The following FOXP1 variants were observed in gnomAD, a reference collection of about 807,000 sequenced individuals.
FOXP1 encodes forkhead box P1.
A neutral mutation model predicts 98.2 loss-of-function variants in FOXP1; 15 were observed. The ratio of observed to expected loss-of-function variants is 0.15; its 90% CI spans 0.10 to 0.24. FOXP1 has a LOEUF of 0.24. FOXP1 is among the 10% of genes least tolerant of loss of function. The pLI is 1.00. For missense variants in FOXP1, 633 were observed against 848.5 expected (o/e 0.75, Z 3.15); for synonymous variants, 371 against 314.5 (o/e 1.18, Z -1.90).
At chr3:71,480,118 C>G (rs567641308) in intron 3 of FOXP1, among the ~76,000 whole-genome samples, 1 of 152,260 alleles carries the variant, frequency 6.6e-6, no homozygotes, top group South Asian at 2.1e-4. Flanking sequence ...ATTGGTTGAC[C>G]CCGGGAGGCA....
rs142956636 is a variant in FOXP1 at position 70,956,732 on chromosome 3, GTTTTTTTTTTTTTTTTTTTTTT to G, written c.*2493_*2514del. ...GCACATCATGAAGCTGCCTGGAAAA[GTTTTTTTTTTTTTTTTTTTTTT>G]TTTTTTTTTTTTTTTTTTTAAAGTC... On this transcript the variant is annotated 3_prime_UTR_variant, in exon 21 of 21. Transcript: ENST00000649528. 49 of 32,810 alleles carry G rather than the reference GTTTTTTTTTTTTTTTTTTTTTT, an allele frequency of 1.5e-3. No individual in the cohort carries two copies. Among genetic ancestry groups the G allele is most frequent in the South Asian group, 4.1e-3 (3 of 732 alleles). The allele number at this position is 32,810 out of a possible 1,614,324, so 2.0% of individuals were successfully genotyped here.
chr3:71,437,723 T>G (rs2085498648), intron 3 of FOXP1, among the ~76,000 whole-genome samples: 1 of 152,168 alleles, frequency 6.6e-6, no homozygotes, highest in African/African-American at 2.4e-5. Context: ...TCTGTGATCA[T>G]CATAATGCCT....
intron 9 of FOXP1, among the ~76,000 whole-genome samples, chr3:71,049,133 A>G (rs2049466268): frequency 6.6e-6 from 1 of 152,184 alleles, no homozygotes; most frequent in Non-Finnish European, 1.5e-5. Flanking sequence ...TCCCCTCGGC[A>G]GGTCAGTAGT....
At position 71,496,961 on chromosome 3, in the gene FOXP1, A is replaced by T. The variant is rs79902199; in HGVS notation, c.-297-3406T>A. Among the ~76,000 whole-genome samples the T allele has an allele frequency of 6.0e-5, 9 of 149,462 alleles. No homozygotes were observed. In the South Asian group the frequency reaches 8.5e-4, roughly 14 times the overall value. On this transcript the variant is annotated intron_variant, in intron 2 of 20. Coordinates refer to ENST00000649528, the MANE Select transcript of FOXP1 (RefSeq NM_001349338.3). ...GTGAATCACCACTGTGGTGTGTGGA[A>T]GTGTGTGTGTGTGTGTGTGTGTGTT...
intron 3 of FOXP1, among the ~76,000 whole-genome samples, chr3:71,427,535 C>CTGAA (rs1560469917): frequency 6.6e-6 from 1 of 152,218 alleles, no homozygotes. Flanking sequence ...AAAGGAGCTA[C>CTGAA]TGAAGGTTCT....
intron 11 of FOXP1, among the ~76,000 whole-genome samples, chr3:71,038,769 T>A (rs2047948532): frequency 1.3e-5 from 2 of 151,752 alleles, no homozygotes; most frequent in Admixed American, 1.3e-4. Flanking sequence ...GCTCAAATGA[T>A]CCTCCCACCT....
intron 6 of FOXP1, among the ~76,000 whole-genome samples, chr3:71,170,845 G>A (rs1445682139): frequency 1.3e-5 from 2 of 152,138 alleles, no homozygotes. Flanking sequence ...CTTCCATGGG[G>A]CCGTCTCTTT....
chr3:71,079,932 T>C (rs1162951136), intron 7 of FOXP1, among the ~76,000 whole-genome samples: 1 of 152,254 alleles, frequency 6.6e-6, no homozygotes, highest in Admixed American at 6.5e-5. Flanking sequence ...CACTCAGAGT[T>C]AGGCACCTGT....
At chr3:71,080,555 C>T (rs1229965755) in intron 7 of FOXP1, among the ~76,000 whole-genome samples, 1 of 152,234 alleles carries the variant, frequency 6.6e-6, no homozygotes, top group Non-Finnish European at 1.5e-5. Flanking sequence ...ACAACACAAT[C>T]ATCAAATGTA....
Position 71,421,673 on chromosome 3 carries a change from GC to G in FOXP1, c.-167-62430del, listed in dbSNP as rs374540220. 4.8e-4 allele frequency among the ~76,000 whole-genome samples: 73 copies of G among 152,266 alleles called. No individual in the cohort carries two copies. The East Asian group carries it at 8.9e-3, about 19-fold the overall frequency. ...AATGGTTCACACTAGAAACAGAGGG[GC>G]CGCTGGTCTCAGGACCTCCTGACCA... On this transcript the variant is annotated intron_variant, in intron 3 of 20. Coordinates refer to ENST00000649528, the MANE Select transcript of FOXP1 (RefSeq NM_001349338.3).
At chr3:71,474,018 A>G (rs1383765094) in intron 3 of FOXP1, among the ~76,000 whole-genome samples, 3 of 152,236 alleles carry the variant, frequency 2.0e-5, no homozygotes, top group African/African-American at 7.2e-5. Flanking sequence ...ACCGTTCATA[A>G]AAGATAATAT....
chr3:71,202,556 G>A (rs1174978976), intron 5 of FOXP1, among the ~76,000 whole-genome samples: 2 of 152,170 alleles, frequency 1.3e-5, no homozygotes, highest in African/African-American at 4.8e-5. Context: ...AGGGAGATAA[G>A]GCAGGTAAAT....
intron 3 of FOXP1, among the ~76,000 whole-genome samples, chr3:71,432,861 A>T (rs1055236444): frequency 3.3e-5 from 5 of 151,406 alleles, no homozygotes; most frequent in East Asian, 1.9e-4. Flanking sequence ...AAAAAAAAAA[A>T]AAAAATTAAA....
chr3:71,071,565 T>G (rs1048735510), intron 7 of FOXP1, among the ~76,000 whole-genome samples: 5 of 152,160 alleles, frequency 3.3e-5, no homozygotes, highest in Non-Finnish European at 2.9e-5. Flanking sequence ...GGATGAGATC[T>G]CTCTATAATT....
chr3:71,183,291 C>T (rs1322246329), intron 6 of FOXP1, among the ~76,000 whole-genome samples: 1 of 151,974 alleles, frequency 6.6e-6, no homozygotes, highest in Non-Finnish European at 1.5e-5. Flanking sequence ...GTCTGGAGTT[C>T]AAGACCAGCC....
In FOXP1 at chr3:71,438,673, A is replaced by G. The variant is rs146302757; in HGVS notation, c.-168+54753T>C. 2.8e-4 allele frequency among the ~76,000 whole-genome samples: 43 copies of G among 152,006 alleles called. 2 individuals carry two copies. Among genetic ancestry groups the G allele is most frequent in the African/African-American group, 8.9e-4 (37 of 41,440 alleles). ...TGATGGCCAAGATCTAGTCCTCATC[A>G]CAAGGCTTGGTAGGCCCATTCTGCA... On this transcript the variant is annotated intron_variant, in intron 3 of 20. Transcript: ENST00000649528.
intron 11 of FOXP1, among the ~76,000 whole-genome samples, chr3:71,018,581 C>T (rs1019525256): frequency 6.6e-6 from 1 of 152,198 alleles, no homozygotes; most frequent in Non-Finnish European, 1.5e-5. Context: ...CCTGTACACA[C>T]TGTTGTCATT....
chr3:71,143,767 A>G (rs78427195), intron 6 of FOXP1, among the ~76,000 whole-genome samples: 2,012 of 152,298 alleles, frequency 0.013, 60 homozygotes, highest in African/African-American at 0.046. Flanking sequence ...ACATGTTAAG[A>G]GAGTGTCCAG....
At chr3:71,044,111 C>T (rs1386996765) in intron 10 of FOXP1, among the ~76,000 whole-genome samples, 1 of 152,116 alleles carries the variant, frequency 6.6e-6, no homozygotes, top group Non-Finnish European at 1.5e-5. Context: ...GTTCAATGAG[C>T]GCTACCTACC....
Sources: allele counts gnomAD v4.1 joint callset (sites outside exome capture counted in the v4.1 genomes callset), GRCh38; gene constraint gnomAD v4.1.1; transcripts MANE v1.5; gene names NCBI Gene and HGNC (gene_info 2026-07-23, HGNC 2026-07-21).